NDUFAF6: variants seen among roughly 807,000 people sequenced by gnomAD.
The protein encoded by NDUFAF6 is NADH:ubiquinone oxidoreductase complex assembly factor 6.
NDUFAF6 carries 45 observed loss-of-function variants against 40.8 expected under a neutral mutation model. The observed-to-expected ratio is 1.10, with a 90% CI of 0.87 to 1.42. The LOEUF is 1.42. NDUFAF6 is among the 40% of genes most tolerant of loss of function. NDUFAF6 has a pLI of 0.00. For synonymous variants in NDUFAF6, 185 were observed against 155.9 expected (o/e 1.19, Z -1.39); for missense variants, 435 against 418.5 (o/e 1.04, Z -0.34).
At chr8:95,031,973 C>CT (rs745939417) in intron 1 of NDUFAF6, 22 bp from the exon 2 acceptor site, 35 of 1,593,988 alleles carry the variant, frequency 2.2e-5, no homozygotes, top group Non-Finnish European at 2.6e-5. Context: ...GAGTAACTGT[C>CT]TTTTTTTTCT....
chr8:95,076,850 G>A (rs986894403), downstream of NDUFAF6, among the ~76,000 whole-genome samples: 1 of 134,098 alleles, frequency 7.5e-6, no homozygotes, highest in African/African-American at 2.9e-5. Context: ...TCCAGCCTGG[G>A]CAACAAGAGC....
At chr8:95,098,106 T>C (rs1809526373), upstream of NDUFAF6, among the ~76,000 whole-genome samples, 1 of 152,230 alleles carries the variant, frequency 6.6e-6, no homozygotes, top group East Asian at 1.9e-4. Flanking sequence ...GAGTCCCTTT[T>C]GCTTTCCAAA....
Position 94,912,682 on chromosome 8 carries a change from G to A in NDUFAF6, c.-936+16755G>A, listed in dbSNP as rs1032061837. Among the ~76,000 whole-genome samples, 13 of 151,194 alleles carry A rather than the reference G, an allele frequency of 8.6e-5. No individual in the cohort carries two copies. In the South Asian group the frequency reaches 1.1e-3, roughly 12 times the overall value. Reference sequence around the variant, plus strand: ...CAAAAAATTAGCTGGGCGTGGTGGCGGGCACCTGTAGTCCCAGCTACTCGG... The same window carrying A: ...CAAAAAATTAGCTGGGCGTGGTGGCAGGCACCTGTAGTCCCAGCTACTCGG... On this transcript the variant is annotated intron_variant, in intron 1 of 14. Transcript: ENST00000396113.
chr8:95,060,398 T>G (rs186405022), downstream of NDUFAF6, among the ~76,000 whole-genome samples: 382 of 152,354 alleles, frequency 2.5e-3, 4 homozygotes, highest in African/African-American at 8.8e-3. Context: ...AAATTACAGA[T>G]TATTCTCAAT....
At chr8:95,086,607 T>C (rs979889196) in intron 2 of NDUFAF6, among the ~76,000 whole-genome samples, 20 of 98,482 alleles carry the variant, frequency 2.0e-4, no homozygotes, top group African/African-American at 1.1e-4. Flanking sequence ...TCTTTTCTTT[T>C]TTTTTTTTTT....
At chr8:95,067,678 A>C (rs1431038993) in intron 9 of NDUFAF6, 1 of 151,812 alleles carries the variant, frequency 6.6e-6, no homozygotes, top group Non-Finnish European at 1.5e-5. Context: ...GCCTCCACTG[A>C]CACCATAGGG....
chr8:95,060,531 GTAGC>G (rs1832546191), downstream of NDUFAF6, among the ~76,000 whole-genome samples: 1 of 152,208 alleles, frequency 6.6e-6, no homozygotes, highest in Non-Finnish European at 1.5e-5. Flanking sequence ...AAATGTAACT[GTAGC>G]TAACACTTAT....
chr8:94,973,600 C>T (rs557124729), intron 1 of NDUFAF6, among the ~76,000 whole-genome samples: 11 of 151,432 alleles, frequency 7.3e-5, no homozygotes, highest in African/African-American at 1.9e-4. Flanking sequence ...CCCAGCTACT[C>T]GGGAGGCTGA....
chr8:95,108,008 C>T (rs1370734089), downstream of NDUFAF6, among the ~76,000 whole-genome samples: 1 of 152,152 alleles, frequency 6.6e-6, no homozygotes. Flanking sequence ...GCTGGCACTT[C>T]ACACCCATTA....
intron 2 of NDUFAF6, among the ~76,000 whole-genome samples, chr8:94,982,467 C>T (rs1399591075): frequency 6.6e-6 from 1 of 152,176 alleles, no homozygotes; most frequent in Non-Finnish European, 1.5e-5. Context: ...ATGCATTTCT[C>T]AAAACATGTC....
At chr8:95,050,764 T>A (rs1290424737) in intron 7 of NDUFAF6, among the ~76,000 whole-genome samples, 1 of 151,970 alleles carries the variant, frequency 6.6e-6, no homozygotes, top group Non-Finnish European at 1.5e-5. Flanking sequence ...AGTGTCTGAT[T>A]TAGAGACAGT....
chr8:94,999,772 C>A (rs1384714916), intron 2 of NDUFAF6, among the ~76,000 whole-genome samples: 1 of 151,988 alleles, frequency 6.6e-6, no homozygotes, highest in African/African-American at 2.4e-5. Context: ...ATTTTGCAAA[C>A]TACTAATAGG....
chr8:94,964,100 T>C (rs1823815654), intron 1 of NDUFAF6, among the ~76,000 whole-genome samples: 1 of 151,982 alleles, frequency 6.6e-6, no homozygotes, highest in Non-Finnish European at 1.5e-5. Context: ...ACCCTGGCGG[T>C]AGGACCCTGT....
chr8:95,049,209 CTCT>C lies in NDUFAF6; in HGVS notation c.816+659_816+661del, dbSNP rs201203771. 1.1e-3 allele frequency among the ~76,000 whole-genome samples: 168 copies of C among 152,170 alleles called. 5 individuals carry two copies. The East Asian group carries it at 0.023, about 21-fold the overall frequency. ...GTCATTTACAACTCGTTTTCCTGAA[CTCT>C]TCTTCTTTTTTTGACACCATAGACG... On this transcript the variant is annotated intron_variant, in intron 7 of 8. Transcript: ENST00000396124.
intron 1 of NDUFAF6, chr8:94,932,006 C>T: frequency 6.7e-7 from 1 of 1,494,528 alleles, no homozygotes; most frequent in Non-Finnish European, 9.1e-7. Flanking sequence ...AAAAGGTCAG[C>T]ATTTGGGTCC....
intron 1 of NDUFAF6, among the ~76,000 whole-genome samples, chr8:94,961,939 C>T (rs774574810): frequency 7.9e-5 from 12 of 152,316 alleles, no homozygotes; most frequent in Admixed American, 3.3e-4. Flanking sequence ...GGCCCGTCTC[C>T]AGCATTTCTG....
In NDUFAF6 at chr8:95,047,100, G is replaced by T; in HGVS notation, c.687G>T (p.Val229=). 1.2e-6 allele frequency: 2 copies of T among 1,614,144 alleles called. No individual in the cohort carries two copies. Among genetic ancestry groups the T allele is most frequent in the Non-Finnish European group, 1.7e-6 (2 of 1,180,004 alleles). The stretch of plus-strand genomic sequence containing the variant: ...CATATCATGGGAGCAGAAGAAAGGT[G>T]TTCCTTCCCATGGATATTTGTATGC... The part of the protein sequence containing the change: ...ATPYHGSRRK[V]FLPMDICMLH... Residue 229 remains valine (V), a synonymous_variant, in exon 6 of 9, where the codon GTG becomes GTT. Transcript: ENST00000396124.
At chr8:95,105,058 CACACACACAGAGAGAGAGAG>C (rs1216486622), downstream of NDUFAF6, among the ~76,000 whole-genome samples, 1 of 62,338 alleles carries the variant, frequency 1.6e-5, no homozygotes, top group African/African-American at 6.3e-5. Flanking sequence ...CACACACACA[CACACACACAGAGAGAGAGAG>C]AGAGAGAGAG....
At chr8:95,074,508 T>A (rs536134637) in intron 9 of NDUFAF6, among the ~76,000 whole-genome samples, 2 of 113,890 alleles carry the variant, frequency 1.8e-5, no homozygotes, top group East Asian at 4.5e-4. Flanking sequence ...CACCTGAAGA[T>A]GACTTTCCAT....
Sources: allele counts gnomAD v4.1 joint callset (sites outside exome capture counted in the v4.1 genomes callset), GRCh38; gene constraint gnomAD v4.1.1; transcripts MANE v1.5; gene names NCBI Gene and HGNC (gene_info 2026-07-23, HGNC 2026-07-21).